Variants in SLC2A13 observed in about 807,000 individuals in gnomAD.
SLC2A13 encodes proton myo-inositol cotransporter.
A neutral mutation model predicts 64.4 loss-of-function variants in SLC2A13; 32 were observed. The ratio of observed to expected loss-of-function variants is 0.50; its 90% CI spans 0.37 to 0.67. The LOEUF is 0.67. SLC2A13 is among the 30% of genes least tolerant of loss of function. The pLI is 0.00. For synonymous variants in SLC2A13, 338 were observed against 327.1 expected, an observed-to-expected ratio of 1.03 and a Z score of -0.36; for missense variants, 743 against 829.2, an observed-to-expected ratio of 0.90 and a Z score of 1.28.
chr12:40,083,255 T>C (rs1938474392), intron 1 of SLC2A13, among the ~76,000 whole-genome samples: 1 of 152,042 alleles, frequency 6.6e-6, no homozygotes, highest in African/African-American at 2.4e-5. Flanking sequence ...AAGATCCCCT[T>C]TTTCAGCTCT....
intron 3 of SLC2A13, among the ~76,000 whole-genome samples, chr12:40,005,054 C>T (rs1019919358): frequency 8.6e-5 from 13 of 152,040 alleles, no homozygotes; most frequent in Non-Finnish European, 1.5e-4. Context: ...GGAGGGTCAT[C>T]GGTACTGCCT....
intron 1 of SLC2A13, among the ~76,000 whole-genome samples, chr12:40,093,404 A>C (rs922686812): frequency 5.9e-5 from 9 of 152,218 alleles, no homozygotes; most frequent in African/African-American, 2.2e-4. Context: ...CCTGCTGTGT[A>C]CCAGGCACTA....
chr12:40,016,153 T>C (rs1447395491), intron 3 of SLC2A13, among the ~76,000 whole-genome samples: 2 of 151,982 alleles, frequency 1.3e-5, no homozygotes, highest in Non-Finnish European at 2.9e-5. Flanking sequence ...TGATTCCATG[T>C]AAGAATAAAG....
intron 3 of SLC2A13, among the ~76,000 whole-genome samples, chr12:40,001,600 A>G (rs1947322302): frequency 6.6e-6 from 1 of 152,242 alleles, no homozygotes; most frequent in Non-Finnish European, 1.5e-5. Context: ...CTAAGAACTG[A>G]GGGAATCAGA....
intron 3 of SLC2A13, among the ~76,000 whole-genome samples, chr12:39,970,654 T>C (rs1946631190): frequency 6.6e-6 from 1 of 152,368 alleles, no homozygotes; most frequent in East Asian, 1.9e-4. Flanking sequence ...CAAAGTTCAA[T>C]CTTTTGGTTT....
rs1482280407 is a variant in SLC2A13 at position 39,758,404 on chromosome 12, G to T, written c.*1622C>A. The T allele has an allele frequency of 6.6e-6, 1 of 151,780 alleles. No individual in the cohort carries two copies. The highest frequency in any genetic ancestry group is 6.6e-5 in the Admixed American group (1 of 15,196). The allele number at this position is 151,780 out of a possible 1,614,324, so 9.4% of individuals were successfully genotyped here. A position where few individuals can be genotyped will look rare whatever the true frequency, so the allele number is the denominator to read the frequency against. On this transcript the variant is annotated 3_prime_UTR_variant, in exon 10 of 10. Transcript: ENST00000280871. ...AGACTGGAAGAAATATTTTGAATAT[G>T]GAGATAGCCACCTTTTCTCTCCAAA...
At chr12:39,948,202 T>C (rs544928335) in intron 4 of SLC2A13, among the ~76,000 whole-genome samples, 1 of 152,266 alleles carries the variant, frequency 6.6e-6, no homozygotes, top group South Asian at 2.1e-4. Flanking sequence ...AAAAAAAAAT[T>C]GCCTCATCTA....
chr12:39,776,172 A>G (rs927784094), intron 7 of SLC2A13, among the ~76,000 whole-genome samples: 12 of 152,198 alleles, frequency 7.9e-5, no homozygotes, highest in African/African-American at 2.9e-4. Flanking sequence ...TCCTGCTTCA[A>G]CTGGCACTGA....
intron 7 of SLC2A13, chr12:39,802,137 T>A (rs536225529): frequency 6.6e-6 from 1 of 152,238 alleles, no homozygotes; most frequent in South Asian, 2.1e-4. Flanking sequence ...GGGTGTGTAA[T>A]CTTTGCGACT....
intron 1 of SLC2A13, among the ~76,000 whole-genome samples, chr12:40,103,549 TAA>T (rs933894822): frequency 1.3e-5 from 2 of 152,164 alleles, no homozygotes; most frequent in Admixed American, 6.5e-5. Context: ...GCAGGTCAGA[TAA>T]AAAGAGTAAA....
At chr12:39,999,797 T>C (rs1285209414) in intron 3 of SLC2A13, among the ~76,000 whole-genome samples, 1 of 152,196 alleles carries the variant, frequency 6.6e-6, no homozygotes, top group East Asian at 1.9e-4. Flanking sequence ...TGTTCTCCTT[T>C]TTGCCCTTTG....
At chr12:39,902,972 CAT>C (rs1945173878) in intron 4 of SLC2A13, among the ~76,000 whole-genome samples, 4 of 152,032 alleles carry the variant, frequency 2.6e-5, no homozygotes, top group Non-Finnish European at 5.9e-5. Flanking sequence ...AATGTTTGTT[CAT>C]AAAAAGCTAA....
chr12:39,896,439 T>C (rs1565528438), intron 4 of SLC2A13, among the ~76,000 whole-genome samples: 1 of 144,398 alleles, frequency 6.9e-6, no homozygotes, highest in East Asian at 2.1e-4. Context: ...TATGTATACA[T>C]ATATGTATAT....
intron 3 of SLC2A13, among the ~76,000 whole-genome samples, chr12:39,973,932 C>T (rs1221352755): frequency 6.6e-6 from 1 of 152,164 alleles, no homozygotes; most frequent in African/African-American, 2.4e-5. Flanking sequence ...GCTTGTGATT[C>T]AAGGCACATT....
intron 2 of SLC2A13, among the ~76,000 whole-genome samples, chr12:40,037,689 T>A (rs1050836978): frequency 6.6e-6 from 1 of 151,918 alleles, no homozygotes; most frequent in African/African-American, 2.4e-5. Context: ...AGGTAACTTA[T>A]TAATAATGAT....
At chr12:40,060,317 A>G (rs1948399186) in intron 1 of SLC2A13, among the ~76,000 whole-genome samples, 1 of 152,168 alleles carries the variant, frequency 6.6e-6, no homozygotes, top group Non-Finnish European at 1.5e-5. Flanking sequence ...CAGTAAATGC[A>G]AAAACTTGAA....
chr12:39,924,824 G>A (rs1195339671), intron 4 of SLC2A13, among the ~76,000 whole-genome samples: 13 of 151,696 alleles, frequency 8.6e-5, no homozygotes, highest in Admixed American at 7.9e-4. Context: ...AAGCTAACTT[G>A]AGAAAAAGAC....
chr12:39,796,894 A>G (rs1941594568), intron 7 of SLC2A13, among the ~76,000 whole-genome samples: 1 of 152,190 alleles, frequency 6.6e-6, no homozygotes, highest in African/African-American at 2.4e-5. Context: ...CTTATAACAC[A>G]TTTCTAGAAG....
intron 1 of SLC2A13, among the ~76,000 whole-genome samples, chr12:40,049,559 C>CT (rs1026368933): frequency 2.6e-5 from 4 of 152,016 alleles, no homozygotes; most frequent in African/African-American, 9.7e-5. Context: ...TAAATTGCAG[C>CT]TTTTTTTCAT....
Sources: gnomAD v4.1 joint callset for allele counts (sites outside exome capture counted in the v4.1 genomes callset) on GRCh38, gnomAD v4.1.1 for gene constraint, MANE v1.5 for transcripts, NCBI Gene and HGNC (gene_info 2026-07-23, HGNC 2026-07-21) for gene names.